The following CNTN5 variants were observed in gnomAD, a reference collection of about 807,000 sequenced individuals.
The protein encoded by CNTN5 is contactin-5.
Under a neutral mutation model 129.1 loss-of-function variants are expected in CNTN5, and 77 were observed. The observed-to-expected ratio is 0.60, with a 90% confidence interval of 0.50 to 0.72. CNTN5 has a LOEUF of 0.72. CNTN5 is among the 30% of genes least tolerant of loss of function. CNTN5 has a pLI of 0.00. For missense variants in CNTN5, 1,478 were observed against 1,328.8 expected (o/e 1.11, Z -1.75); for synonymous variants, 509 against 465.6 (o/e 1.09, Z -1.20).
intron 17 of CNTN5, among the ~76,000 whole-genome samples, chr11:100,262,914 T>C (rs1329365964): frequency 6.6e-6 from 1 of 152,102 alleles, no homozygotes; most frequent in East Asian, 1.9e-4. Context: ...GTTCTACACA[T>C]GTATCCCAGA....
intron 1 of CNTN5, among the ~76,000 whole-genome samples, chr11:99,320,553 C>T (rs1179980413): frequency 6.6e-6 from 1 of 151,550 alleles, no homozygotes. Flanking sequence ...GAATCAAACA[C>T]GGAGGAATTC....
intron 3 of CNTN5, among the ~76,000 whole-genome samples, chr11:99,737,131 GCACA>G (rs927394222): frequency 1.3e-4 from 20 of 149,744 alleles, no homozygotes; most frequent in African/African-American, 5.0e-4. Flanking sequence ...TAACACACAT[GCACA>G]CACACACAAA....
At chr11:100,041,471 G>A (rs751958679) in intron 9 of CNTN5, among the ~76,000 whole-genome samples, 6 of 152,110 alleles carry the variant, frequency 3.9e-5, no homozygotes, top group Non-Finnish European at 5.9e-5. Flanking sequence ...AATATACATG[G>A]CGTTATTTCA....
At chr11:99,981,498 C>T (rs1367526153) in intron 8 of CNTN5, among the ~76,000 whole-genome samples, 1 of 152,280 alleles carries the variant, frequency 6.6e-6, no homozygotes, top group East Asian at 1.9e-4. Context: ...ATCTTTCCCA[C>T]CTAGTCCACT....
chr11:99,868,331 C>G (rs527478525), intron 6 of CNTN5, among the ~76,000 whole-genome samples: 2 of 151,944 alleles, frequency 1.3e-5, no homozygotes, highest in Non-Finnish European at 2.9e-5. Flanking sequence ...CTTAAGCCAA[C>G]ATTTGTTGAA....
At chr11:99,719,735 T>C (rs1462765895) in intron 3 of CNTN5, among the ~76,000 whole-genome samples, 1 of 151,644 alleles carries the variant, frequency 6.6e-6, no homozygotes, top group African/African-American at 2.4e-5. Context: ...CTTCAAGAGA[T>C]CAACAAATTC....
intron 6 of CNTN5, among the ~76,000 whole-genome samples, chr11:99,889,532 T>C (rs1268967217): frequency 6.8e-6 from 1 of 147,276 alleles, no homozygotes. Flanking sequence ...AGACATTCTT[T>C]TTTTTTTTTT....
chr11:100,253,464 G>A (rs1950010321), intron 16 of CNTN5, among the ~76,000 whole-genome samples: 1 of 151,868 alleles, frequency 6.6e-6, no homozygotes, highest in Non-Finnish European at 1.5e-5. Flanking sequence ...TATGAAATGG[G>A]GATAACAATG....
At chr11:99,544,630 C>G (rs1948230932) in intron 2 of CNTN5, among the ~76,000 whole-genome samples, 1 of 152,072 alleles carries the variant, frequency 6.6e-6, no homozygotes, top group Admixed American at 6.5e-5. Context: ...ATTATAGTGA[C>G]TCTACTGAAT....
chr11:100,160,106 G>A (rs1314228190), intron 13 of CNTN5, among the ~76,000 whole-genome samples: 2 of 151,798 alleles, frequency 1.3e-5, no homozygotes, highest in Non-Finnish European at 2.9e-5. Flanking sequence ...AGTATGTGAT[G>A]TTCCCCTCTC....
At chr11:99,771,438 T>C (rs528259916) in intron 3 of CNTN5, among the ~76,000 whole-genome samples, 51 of 152,204 alleles carry the variant, frequency 3.4e-4, no homozygotes, top group African/African-American at 1.2e-3. Flanking sequence ...TATGTATATG[T>C]ATTTACACAC....
chr11:99,668,366 A>G (rs1238241375), intron 3 of CNTN5, among the ~76,000 whole-genome samples: 1 of 152,124 alleles, frequency 6.6e-6, no homozygotes, highest in Non-Finnish European at 1.5e-5. Context: ...AGAGGGACTC[A>G]GTGGATGTCA....
intron 1 of CNTN5, among the ~76,000 whole-genome samples, chr11:99,283,512 A>G (rs1863794587): frequency 6.6e-6 from 1 of 152,152 alleles, no homozygotes; most frequent in South Asian, 2.1e-4. Flanking sequence ...ACAGAAAAAA[A>G]GAGAATCATT....
intron 17 of CNTN5, among the ~76,000 whole-genome samples, chr11:100,259,322 C>A (rs1057139167): frequency 6.6e-6 from 1 of 152,144 alleles, no homozygotes; most frequent in Non-Finnish European, 1.5e-5. Context: ...TACAAAGAGA[C>A]TTAGACTCCC....
intron 2 of CNTN5, among the ~76,000 whole-genome samples, chr11:99,342,305 T>A (rs1278153887): frequency 1.3e-5 from 2 of 151,990 alleles, no homozygotes; most frequent in Non-Finnish European, 1.5e-5. Flanking sequence ...AGGAGAGGGA[T>A]ATATATGGGA....
At chr11:99,026,881 T>C in intron 1 of CNTN5, among the ~76,000 whole-genome samples, 1 of 151,734 alleles carries the variant, frequency 6.6e-6, no homozygotes, top group South Asian at 2.1e-4. Context: ...CAAATCCTTA[T>C]ATTAGAATAT....
chr11:99,050,115 G>C (rs1864368008), intron 1 of CNTN5, among the ~76,000 whole-genome samples: 1 of 152,044 alleles, frequency 6.6e-6, no homozygotes, highest in African/African-American at 2.4e-5. Context: ...AGTACAGCTA[G>C]TAGAAACACA....
intron 1 of CNTN5, among the ~76,000 whole-genome samples, chr11:99,123,493 T>C (rs1312850671): frequency 1.3e-5 from 2 of 152,052 alleles, no homozygotes; most frequent in Non-Finnish European, 2.9e-5. Flanking sequence ...CTGTAGGTTT[T>C]CTGTTTGTTG....
intron 9 of CNTN5, among the ~76,000 whole-genome samples, chr11:100,038,527 A>T (rs908722011): frequency 6.6e-6 from 1 of 152,202 alleles, no homozygotes; most frequent in East Asian, 1.9e-4. Flanking sequence ...TATCCTTGTT[A>T]ACTTTCTGTC....
Sources: allele counts gnomAD v4.1 joint callset (sites outside exome capture counted in the v4.1 genomes callset), GRCh38; gene constraint gnomAD v4.1.1; transcripts MANE v1.5; gene names NCBI Gene and HGNC (gene_info 2026-07-23, HGNC 2026-07-21).